The following ACBD5 variants were observed in gnomAD, a reference collection of about 807,000 sequenced individuals.
The protein encoded by ACBD5 is acyl-CoA-binding domain-containing protein 5.
A neutral mutation model predicts 71.8 loss-of-function variants in ACBD5; 40 were observed. That is an observed-to-expected ratio of 0.56 (90% CI 0.43 to 0.72). The LOEUF (loss-of-function observed/expected upper bound fraction) is 0.72, where lower values mean the gene tolerates loss of function less well. Among genes scored for constraint, ACBD5 ranks in the 30% least tolerant of loss-of-function variants. The probability of loss-of-function intolerance (pLI) is 0.00; values close to 1 mark genes in which losing one functional copy is unlikely to be tolerated. For synonymous variants in ACBD5, 229 were observed against 218.6 expected (o/e 1.05, Z -0.42); for missense variants, 559 against 644.5 (o/e 0.87, Z 1.44).
chr10:27,196,716 C>A lies in ACBD5; in HGVS notation c.*714G>T. 2.2e-6 allele frequency: 1 copy of A among 454,466 alleles called. No individual in the cohort carries two copies. The highest frequency in any genetic ancestry group is 4.4e-6 in the Non-Finnish European group (1 of 226,776). The allele number at this position is 454,466 out of a possible 1,614,324, so 28.2% of individuals were successfully genotyped here. On this transcript the variant is annotated 3_prime_UTR_variant, in exon 13 of 13. Coordinates refer to ENST00000396271, the MANE Select transcript of ACBD5 (RefSeq NM_145698.5). Reference sequence around the variant, plus strand: ...AAACCTGATTAATCATCTACAGGCTCAGAATACACTTTTAAACCTACATGA... The same window carrying A: ...AAACCTGATTAATCATCTACAGGCTAAGAATACACTTTTAAACCTACATGA...
At chr10:27,206,288 T>C (rs2060459662) in intron 10 of ACBD5, among the ~76,000 whole-genome samples, 1 of 152,068 alleles carries the variant, frequency 6.6e-6, no homozygotes, top group South Asian at 2.1e-4. Flanking sequence ...ACTAAAGATA[T>C]TGAATATATG....
chr10:27,205,262 T>C lies in ACBD5; in HGVS notation c.1405-14A>G, dbSNP rs2136840949. On this transcript the variant is annotated splice_polypyrimidine_tract_variant and intron_variant, in intron 10 of 12. Transcript: ENST00000396271. Reference sequence around the variant, plus strand: ...TGATGATTTTGCCTGTAAATGCAAATGAAGGTGACTTAGCCTTGAAAAAAT... The same window carrying C: ...TGATGATTTTGCCTGTAAATGCAAACGAAGGTGACTTAGCCTTGAAAAAAT... 1 of 1,611,806 alleles carries C rather than the reference T, an allele frequency of 6.2e-7. No homozygotes were observed. Among genetic ancestry groups the C allele is most frequent in the Non-Finnish European group, 8.5e-7 (1 of 1,178,632 alleles).
At chr10:27,198,834 G>A (rs1304543135) in intron 12 of ACBD5, among the ~76,000 whole-genome samples, 1 of 152,188 alleles carries the variant, frequency 6.6e-6, no homozygotes, top group Non-Finnish European at 1.5e-5. Flanking sequence ...AGACAAAGCC[G>A]GAACTGTAGC....
chr10:27,192,247 CT>C (rs11333652), downstream of ACBD5, among the ~76,000 whole-genome samples: 75,987 of 150,370 alleles, frequency 0.51, 21,492 homozygotes, highest in Non-Finnish European at 0.64. Context: ...TTCCTTGACA[CT>C]TTTTTTTTAA....
rs904944727 is a variant in ACBD5, at chr10:27,219,831, G to A, written c.517C>T (p.Pro173Ser). The A allele has an allele frequency of 6.2e-7, 1 of 1,613,944 alleles. No homozygotes were observed. Among genetic ancestry groups the A allele is most frequent in the Non-Finnish European group, 8.5e-7 (1 of 1,179,984 alleles). ...SDLGNVLTST[P>S]NAKTVNGKAE... ...TTACCATTAACGGTTTTGGCGTTTG[G>A]AGTAGAAGTGAGAACATTACCAAGA... The change falls in exon 6 of 13, where the codon CCA (proline) becomes TCA (serine). Residue 173 changes from proline (P) to serine (S), a missense_variant. By Grantham distance (74) the Pro-to-Ser change is moderately conservative (BLOSUM62 -1). Transcript: ENST00000396271.
chr10:27,192,973 A>G (rs998595174), downstream of ACBD5, among the ~76,000 whole-genome samples: 1 of 148,450 alleles, frequency 6.7e-6, no homozygotes, highest in Admixed American at 6.7e-5. Flanking sequence ...CTCCGTTTCA[A>G]AAAAAAAAAA....
Position 27,196,929 on chromosome 10 carries a change from T to G in ACBD5, c.*501A>C, listed in dbSNP as rs1273109747. 1 of 454,218 alleles carries G rather than the reference T, an allele frequency of 2.2e-6. No individual in the cohort carries two copies. The highest frequency in any genetic ancestry group is 6.9e-5 in the East Asian group (1 of 14,400). 28.1% of individuals were successfully genotyped at this position (454,218 alleles called of 1,614,324 possible). A position where few individuals can be genotyped will look rare whatever the true frequency, so the allele number is the denominator to read the frequency against. On this transcript the variant is annotated 3_prime_UTR_variant, in exon 13 of 13. Coordinates refer to ENST00000396271, the MANE Select transcript of ACBD5 (RefSeq NM_145698.5). ...GAATATGACCATTCTTCCTGTGGTTTTCTACTACATGCCATGGCAACTCCG... is the reference window on the plus strand; with the variant it reads ...GAATATGACCATTCTTCCTGTGGTTGTCTACTACATGCCATGGCAACTCCG...
rs1280910986 is a variant in ACBD5 at position 27,196,815 on chromosome 10, C to T, written c.*615G>A. On this transcript the variant is annotated 3_prime_UTR_variant, in exon 13 of 13. Coordinates refer to ENST00000396271, the MANE Select transcript of ACBD5 (RefSeq NM_145698.5). The stretch of plus-strand genomic sequence containing the variant: ...TCATTTGTAAAAACTCAGTCTGGTA[C>T]ATAGGACTCCACTTTTTAATAATGA... 1 of 453,966 alleles carries T rather than the reference C, an allele frequency of 2.2e-6. No homozygotes were observed. The highest frequency in any genetic ancestry group is 4.4e-6 in the Non-Finnish European group (1 of 226,800). 28.1% of individuals were successfully genotyped at this position (453,966 alleles called of 1,614,324 possible). A position where few individuals can be genotyped will look rare whatever the true frequency, so the allele number is the denominator to read the frequency against.
chr10:27,187,401 A>T (rs954066904), intron 13 of ACBD5, among the ~76,000 whole-genome samples: 1 of 152,236 alleles, frequency 6.6e-6, no homozygotes, highest in Non-Finnish European at 1.5e-5. Flanking sequence ...TACTAATGAT[A>T]CGGTTTTGCC....
chr10:27,191,009 G>C (rs577100154), downstream of ACBD5, among the ~76,000 whole-genome samples: 156 of 152,260 alleles, frequency 1.0e-3, no homozygotes, highest in African/African-American at 3.7e-3. Context: ...AAGAATTCAA[G>C]AAATCAGTTG....
chr10:27,236,113 CAA>C (rs138918182), intron 2 of ACBD5, among the ~76,000 whole-genome samples: 44 of 138,408 alleles, frequency 3.2e-4, no homozygotes, highest in Non-Finnish European at 3.6e-4. Flanking sequence ...GACCCTGTCT[CAA>C]AAAAAAAAAA....
At chr10:27,210,645 C>G (rs540346812) in intron 9 of ACBD5, among the ~76,000 whole-genome samples, 169 bp downstream of exon 9, 1 of 152,258 alleles carries the variant, frequency 6.6e-6, no homozygotes, top group African/African-American at 2.4e-5. Flanking sequence ...ATAATCCCAG[C>G]TACTCAGGAG....
At chr10:27,188,001 C>T (rs535989203) in intron 13 of ACBD5, among the ~76,000 whole-genome samples, 3 of 152,002 alleles carry the variant, frequency 2.0e-5, no homozygotes, top group Admixed American at 2.0e-4. Context: ...ACCCCATTTC[C>T]GGGGGAAAAA....
At chr10:27,191,749 T>C (rs572080680), downstream of ACBD5, among the ~76,000 whole-genome samples, 35 of 152,090 alleles carry the variant, frequency 2.3e-4, no homozygotes, top group African/African-American at 7.7e-4. Context: ...GCTGGGTGTG[T>C]GGTGGTGGGT....
downstream of ACBD5, chr10:27,193,272 CA>C (rs71386923): frequency 0.69 from 103,905 of 150,290 alleles, 36,055 homozygotes; most frequent in Non-Finnish European, 0.7. Flanking sequence ...ATTAAAAATA[CA>C]AAAAAATTAC....
intron 7 of ACBD5, among the ~76,000 whole-genome samples, chr10:27,217,320 G>C (rs1761541493): frequency 6.6e-6 from 1 of 151,372 alleles, no homozygotes; most frequent in African/African-American, 2.4e-5. Context: ...GCTGGGCATG[G>C]TGGCACGTGC....
At chr10:27,193,107 C>T, downstream of ACBD5, among the ~76,000 whole-genome samples, 1 of 124,976 alleles carries the variant, frequency 8.0e-6, no homozygotes. Context: ...TCTCTCTTTC[C>T]TTCCTTCGTG....
intron 2 of ACBD5, among the ~76,000 whole-genome samples, chr10:27,237,259 G>A (rs1053812735): frequency 1.3e-5 from 2 of 152,140 alleles, no homozygotes; most frequent in Non-Finnish European, 2.9e-5. Flanking sequence ...TGTAGTCTGT[G>A]TGTAAGACAC....
intron 4 of ACBD5, among the ~76,000 whole-genome samples, chr10:27,229,224 GTTAAA>G (rs2063543051): frequency 6.6e-6 from 1 of 151,992 alleles, no homozygotes; most frequent in South Asian, 2.1e-4. Context: ...ATAAAATATA[GTTAAA>G]TTAATAAGAT....
Sources: allele counts gnomAD v4.1 joint callset (sites outside exome capture counted in the v4.1 genomes callset), GRCh38; gene constraint gnomAD v4.1.1; transcripts MANE v1.5; gene names NCBI Gene and HGNC (gene_info 2026-07-23, HGNC 2026-07-21).